BAZ1A: variants seen among roughly 807,000 people sequenced by gnomAD.
BAZ1A encodes bromodomain adjacent to zinc finger domain protein 1A.
A neutral mutation model predicts 185.2 loss-of-function variants in BAZ1A; 50 were observed. The ratio of observed to expected loss-of-function variants is 0.27; its 90% CI spans 0.22 to 0.34. BAZ1A has a LOEUF of 0.34. BAZ1A is among the 10% of genes least tolerant of loss of function. The pLI, the probability that BAZ1A is intolerant of heterozygous loss-of-function variation, is 1.00. For synonymous variants in BAZ1A, 571 were observed against 615.6 expected (o/e 0.93, Z 1.07); for missense variants, 1,356 against 1,839.9 (o/e 0.74, Z 4.81).
intron 1 of BAZ1A, 70 bp downstream of exon 1, chr14:34,875,068 C>G (rs1274701547): frequency 5.7e-6 from 2 of 348,512 alleles, no homozygotes; most frequent in Admixed American, 7.7e-5. Context: ...GACCCCGGAG[C>G]TGCTCCGCTT....
chr14:34,822,074 C>CCTG (rs2042098298), intron 4 of BAZ1A, among the ~76,000 whole-genome samples: 1 of 152,154 alleles, frequency 6.6e-6, no homozygotes, highest in South Asian at 2.1e-4. Context: ...GCGGGTGTAT[C>CCTG]ACCTGAGGTC....
At chr14:34,817,817 A>C (rs2042029904) in intron 4 of BAZ1A, among the ~76,000 whole-genome samples, 1 of 152,228 alleles carries the variant, frequency 6.6e-6, no homozygotes, top group African/African-American at 2.4e-5. Context: ...GGATGACTAT[A>C]ATTTTTAAAA....
At chr14:34,783,666 T>A in intron 15 of BAZ1A, 96 bp downstream of exon 15, 2 of 1,470,384 alleles carry the variant, frequency 1.4e-6, no homozygotes, top group Non-Finnish European at 1.8e-6. Context: ...AACATCAGTA[T>A]AATGAATGCC....
intron 3 of BAZ1A, chr14:34,828,474 CTT>C (rs2042194380): frequency 6.6e-6 from 1 of 152,092 alleles, no homozygotes; most frequent in Non-Finnish European, 1.5e-5. Context: ...GTTGAGATAA[CTT>C]TTGTTGGTTC....
chr14:34,847,738 T>C (rs1460613265), intron 3 of BAZ1A, among the ~76,000 whole-genome samples: 1 of 152,188 alleles, frequency 6.6e-6, no homozygotes, highest in East Asian at 1.9e-4. Flanking sequence ...TTATGATTCA[T>C]TAACAGCACT....
chr14:34,832,215 C>CACACATATATAT, intron 3 of BAZ1A, among the ~76,000 whole-genome samples: 27 of 89,660 alleles, frequency 3.0e-4, no homozygotes, highest in Non-Finnish European at 5.1e-4. Flanking sequence ...CACACACACA[C>CACACATATATAT]ATATATATAT....
In BAZ1A at chr14:34,807,441, A is replaced by G; in HGVS notation, c.726+10T>C. The G allele has an allele frequency of 6.3e-7, 1 of 1,580,072 alleles. No individual in the cohort carries two copies. The highest frequency in any genetic ancestry group is 1.7e-5 in the Admixed American group (1 of 58,382). ...CTGTCTTCCAACAAATAATTTCATTATTTGATTACCTTTATTTTAATGACT... is the reference window on the plus strand; with the variant it reads ...CTGTCTTCCAACAAATAATTTCATTGTTTGATTACCTTTATTTTAATGACT... On this transcript the variant is annotated intron_variant, in intron 6 of 26. Coordinates refer to ENST00000360310, the MANE Select transcript of BAZ1A (RefSeq NM_013448.3).
At chr14:34,771,694 A>G in intron 20 of BAZ1A, 35 bp from the exon 21 acceptor site, 1 of 1,594,968 alleles carries the variant, frequency 6.3e-7, no homozygotes, top group Non-Finnish European at 8.5e-7. Flanking sequence ...TATGGTACTT[A>G]AAAACACTAT....
intron 17 of BAZ1A, among the ~76,000 whole-genome samples, chr14:34,779,148 C>T (rs1198283799): frequency 1.3e-5 from 2 of 152,142 alleles, no homozygotes; most frequent in African/African-American, 2.4e-5. Flanking sequence ...CTGCACCTGG[C>T]CCTACTATAT....
chr14:34,857,064 T>C (rs1223947294), intron 3 of BAZ1A, among the ~76,000 whole-genome samples: 1 of 150,214 alleles, frequency 6.7e-6, no homozygotes, highest in African/African-American at 2.4e-5. Flanking sequence ...TGGAGTGCAG[T>C]GGCGCAATCT....
At chr14:34,773,149 A>T (rs748529365) in intron 20 of BAZ1A, among the ~76,000 whole-genome samples, 32 of 152,238 alleles carry the variant, frequency 2.1e-4, no homozygotes, top group Non-Finnish European at 4.3e-4. Context: ...GCCTCAAGTG[A>T]TCCTCCTGCT....
intron 4 of BAZ1A, among the ~76,000 whole-genome samples, chr14:34,817,025 A>AG (rs1166273640): frequency 2.0e-5 from 3 of 152,194 alleles, no homozygotes; most frequent in Non-Finnish European, 4.4e-5. Flanking sequence ...TAAAAAAAAA[A>AG]TTATTGAAAG....
chr14:34,859,769 G>C (rs1947233857), intron 3 of BAZ1A, among the ~76,000 whole-genome samples: 1 of 152,122 alleles, frequency 6.6e-6, no homozygotes, highest in Non-Finnish European at 1.5e-5. Context: ...TTACAGAGAA[G>C]ACAAACAAAA....
intron 3 of BAZ1A, among the ~76,000 whole-genome samples, chr14:34,855,862 CA>C (rs1231121142): frequency 2.0e-5 from 3 of 152,154 alleles, no homozygotes. Context: ...GTGATCACGC[CA>C]CTGCACTCCA....
At chr14:34,799,616 C>A (rs1212169747) in intron 9 of BAZ1A, among the ~76,000 whole-genome samples, 2 of 151,594 alleles carry the variant, frequency 1.3e-5, no homozygotes, top group African/African-American at 4.9e-5. Flanking sequence ...GAACATTATT[C>A]ATTTTTTTTT....
chr14:34,764,790 G>A lies in BAZ1A; in HGVS notation c.3693C>T (p.Gly1231=), dbSNP rs780937100. 39 of 1,609,176 alleles carry A rather than the reference G, an allele frequency of 2.4e-5. No individual in the cohort carries two copies. The highest frequency in any genetic ancestry group is 4.5e-5 in the East Asian group (2 of 44,840). The change falls in exon 23 of 27, where the codon GGC becomes GGT. Residue 1231 remains glycine, a synonymous_variant. Transcript: ENST00000360310. ...SMGGEDDEVD[G]DEEEGQSEEE... ...CCTCACTTTGACCTTCTTCTTCATC[G>A]CCATCAACTTCATCATCCTCACCTC...
At chr14:34,779,627 G>C (rs934432556) in intron 17 of BAZ1A, among the ~76,000 whole-genome samples, 2 of 151,960 alleles carry the variant, frequency 1.3e-5, no homozygotes, top group Non-Finnish European at 2.9e-5. Context: ...CATTAAATAA[G>C]GTCATTAAAT....
intron 12 of BAZ1A, among the ~76,000 whole-genome samples, chr14:34,787,926 C>G (rs747570589): frequency 1.7e-4 from 26 of 152,290 alleles, no homozygotes; most frequent in Non-Finnish European, 2.8e-4. Context: ...TACACAGATT[C>G]AGACTAAGAG....
intron 3 of BAZ1A, among the ~76,000 whole-genome samples, chr14:34,853,764 G>A (rs1242255632): frequency 6.6e-5 from 10 of 152,180 alleles, no homozygotes; most frequent in Admixed American, 2.0e-4. Context: ...TCCAGCCAGG[G>A]CGACAGAGCA....
Sources: gnomAD v4.1 joint callset for allele counts (sites outside exome capture counted in the v4.1 genomes callset) on GRCh38, gnomAD v4.1.1 for gene constraint, MANE v1.5 for transcripts, NCBI Gene and HGNC (gene_info 2026-07-23, HGNC 2026-07-21) for gene names.